Variants in ZNF646 observed in about 807,000 individuals in gnomAD.
ZNF646 encodes zinc finger protein 646.
ZNF646 carries 49 observed loss-of-function variants against 115.4 expected under a neutral mutation model. The ratio of observed to expected loss-of-function variants is 0.42; its 90% CI spans 0.34 to 0.54. The LOEUF (loss-of-function observed/expected upper bound fraction) is 0.54, where lower values mean the gene tolerates loss of function less well. Among genes scored for constraint, ZNF646 ranks in the 20% least tolerant of loss-of-function variants. The probability of loss-of-function intolerance (pLI) is 0.04; values close to 1 mark genes in which losing one functional copy is unlikely to be tolerated. For missense variants in ZNF646, 2,269 were observed against 2,457.9 expected, an observed-to-expected ratio of 0.92 and a Z score of 1.62; for synonymous variants, 933 against 939.0, an observed-to-expected ratio of 0.99 and a Z score of 0.12.
In ZNF646 at chr16:31,078,829, CCTG is replaced by C. The variant is rs771133903; in HGVS notation, c.2509_2511del (p.Leu837del). On this transcript the variant is annotated inframe_deletion, in exon 2 of 3. Transcript: ENST00000300850. ...GGCATTCTTTCCCCCATGCCACTGGCCTGCTGAGCCACAGGCCCTGCCACCCAC... is the reference window on the plus strand; with the variant it reads ...GGCATTCTTTCCCCCATGCCACTGGCCTGAGCCACAGGCCCTGCCACCCAC... The C allele has an allele frequency of 1.2e-6, 2 of 1,614,008 alleles. No individual in the cohort carries two copies. The highest frequency in any genetic ancestry group is 1.7e-5 in the Admixed American group (1 of 60,032).
intron 1 of ZNF646, among the ~76,000 whole-genome samples, chr16:31,075,712 C>T (rs1391491906): frequency 6.6e-6 from 1 of 152,150 alleles, no homozygotes; most frequent in African/African-American, 2.4e-5. Flanking sequence ...CTGAAGGAGG[C>T]CTCTAACCTC....
In ZNF646 at chr16:31,078,109, G is replaced by A. The variant is rs752180139; in HGVS notation, c.1785G>A (p.Leu595=). The change falls in exon 2 of 3, where the codon CTG becomes CTA. Residue 595 remains leucine (L), a synonymous_variant. Coordinates refer to ENST00000300850, the MANE Select transcript of ZNF646 (RefSeq NM_014699.4). ...EDAESLERHG[L]THGAGEKENS... Reference sequence around the variant, plus strand: ...CTGAGAGCCTTGAACGTCATGGCCTGACTCATGGGGCAGGGGAAAAGGAAA... The same window carrying A: ...CTGAGAGCCTTGAACGTCATGGCCTAACTCATGGGGCAGGGGAAAAGGAAA... 1.2e-6 allele frequency: 2 copies of A among 1,614,176 alleles called. No homozygotes were observed. The highest frequency in any genetic ancestry group is 2.2e-5 in the South Asian group (2 of 91,076).
intron 2 of ZNF646, 49 bp downstream of exon 2, chr16:31,081,750 G>T (rs1010113021): frequency 4.6e-6 from 7 of 1,507,110 alleles, no homozygotes; most frequent in Admixed American, 2.3e-5. Flanking sequence ...CAGTGGAGGG[G>T]GAAGTCCAGC....
chr16:31,081,629 C>T lies in ZNF646; in HGVS notation c.5305C>T (p.His1769Tyr), dbSNP rs377650628. 6.2e-7 allele frequency: 1 copy of T among 1,608,782 alleles called. No homozygotes were observed. ...TTTCACCTGCCCCCATTGTCCCCGC[C>T]ACTTCCGCCGCCGAATCAGCTTCGT... ...GPFTCPHCPR[H>Y]FRRRISFVQH... The change falls in exon 2 of 3, where the codon CAC (histidine) becomes TAC (tyrosine). Residue 1769 changes from histidine (H) to tyrosine (Y), a missense_variant. By Grantham distance (83) the His-to-Tyr change is moderately conservative. This residue lies in a region of ZNF646 where 1,062 missense variants were observed against 1,172.8 expected (regional missense o/e 0.91). Transcript: ENST00000300850.
Position 31,080,490 on chromosome 16 carries a change from CAG to C in ZNF646, c.4168_4169del (p.Glu1390LysfsTer17). 6.2e-7 allele frequency: 1 copy of C among 1,613,664 alleles called. No homozygotes were observed. The highest frequency in any genetic ancestry group is 8.5e-7 in the Non-Finnish European group (1 of 1,179,988). ...CGGCACCTGCGGGAGCATGAGGAGA[CAG>C]AAAGGGAGCCAGCCAATGGCCAGGG... On this transcript the variant is annotated frameshift_variant, in exon 2 of 3. Coordinates refer to ENST00000300850, the MANE Select transcript of ZNF646 (RefSeq NM_014699.4). LOFTEE classifies it high-confidence loss of function.
rs761528027 is a variant in ZNF646, at chr16:31,079,732, C to G, written c.3408C>G (p.Pro1136=). Residue 1136 remains proline, a synonymous_variant, in exon 2 of 3, where the codon CCC becomes CCG. Transcript: ENST00000300850. This position sits in a 1 kb window ranked among gnomAD's most constrained non-coding sequence, Gnocchi z 5.5. The part of the protein sequence containing the change: ...GPIPEGGSNK[P]QHMAEEGPGQ... ...TCCCAGAAGGAGGCAGCAACAAGCC[C>G]CAGCACATGGCAGAGGAGGGGCCGG... 1 of 1,613,568 alleles carries G rather than the reference C, an allele frequency of 6.2e-7. No individual in the cohort carries two copies. Among genetic ancestry groups the G allele is most frequent in the Non-Finnish European group, 8.5e-7 (1 of 1,179,970 alleles).
chr16:31,076,196 A>G (rs2057073123), intron 1 of ZNF646, 50 bp from the exon 2 acceptor site: 2 of 1,277,788 alleles, frequency 1.6e-6, no homozygotes, highest in Admixed American at 2.9e-5. Flanking sequence ...TAGAGCCAAG[A>G]GGCGAAGTTA....
chr16:31,083,327 T>C lies in ZNF646; in HGVS notation c.*235T>C. The C allele has an allele frequency of 2.0e-6, 2 of 979,054 alleles. No homozygotes were observed. The highest frequency in any genetic ancestry group is 2.9e-6 in the Non-Finnish European group (2 of 700,422). The allele number at this position is 979,054 out of a possible 1,614,324, so 60.6% of individuals were successfully genotyped here. A position where few individuals can be genotyped will look rare whatever the true frequency, so the allele number is the denominator to read the frequency against. On this transcript the variant is annotated 3_prime_UTR_variant, in exon 3 of 3. Transcript: ENST00000300850. ...CACCGTGCTCTTCTCAGCGCCACCC[T>C]CAGCAGCCAGATTGCAACACCAGGG... is the stretch of plus-strand genomic sequence containing the variant.
chr16:31,077,771 C>G lies in ZNF646; in HGVS notation c.1447C>G (p.His483Asp). The G allele has an allele frequency of 6.2e-7, 1 of 1,614,026 alleles. No individual in the cohort carries two copies. The highest frequency in any genetic ancestry group is 8.5e-7 in the Non-Finnish European group (1 of 1,180,038). ...AYRHRGSLVNHRHSHRTGEYQ... is the reference protein window; with the variant it reads ...AYRHRGSLVNDRHSHRTGEYQ... ...CCGCCACCGGGGGAGCCTGGTGAAC[C>G]ATCGCCACAGCCATCGGACTGGAGA... The change falls in exon 2 of 3, where the codon CAT becomes GAT. Residue 483 changes from histidine (H) to aspartate (D), a missense_variant. Physicochemically the swap from His to Asp is moderately conservative, Grantham distance 81. Coordinates refer to ENST00000300850, the MANE Select transcript of ZNF646 (RefSeq NM_014699.4).
Position 31,078,795 on chromosome 16 carries a change from C to T in ZNF646, c.2471C>T (p.Ser824Phe). The change falls in exon 2 of 3, where the codon TCT becomes TTT. Residue 824 changes from serine to phenylalanine, a missense_variant. This residue lies in a region of ZNF646 where 852 missense variants were observed against 900.2 expected (regional missense o/e 0.95). Transcript: ENST00000300850. ...CAGGCTGGGGCCGCTCACACATGCT[C>T]TGACTGTGGGCATTCTTTCCCCCAT... ...GWQAGAAHTC[S>F]DCGHSFPHAT... 6.2e-7 allele frequency: 1 copy of T among 1,613,924 alleles called. No individual in the cohort carries two copies. The highest frequency in any genetic ancestry group is 8.5e-7 in the Non-Finnish European group (1 of 1,179,990).
Position 31,078,427 on chromosome 16 carries a change from C to T in ZNF646, c.2103C>T (p.Asp701=). ...AGAGCTGGACCCGGGAGCTAGAAGA[C>T]AATGAAGGCCTGGAGTCTCCCCAAG... ...AAESWTRELE[D]NEGLESPQDP... The change falls in exon 2 of 3, where the codon GAC becomes GAT. Residue 701 remains aspartate (D), a synonymous_variant. Coordinates refer to ENST00000300850, the MANE Select transcript of ZNF646 (RefSeq NM_014699.4). 2.5e-6 allele frequency: 4 copies of T among 1,605,310 alleles called. No homozygotes were observed. The highest frequency in any genetic ancestry group is 3.4e-6 in the Non-Finnish European group (4 of 1,174,834).
Position 31,081,130 on chromosome 16 carries a change from C to G in ZNF646, c.4806C>G (p.Ser1602Arg). 1 of 1,608,140 alleles carries G rather than the reference C, an allele frequency of 6.2e-7. No homozygotes were observed. Among genetic ancestry groups the G allele is most frequent in the Non-Finnish European group, 8.5e-7 (1 of 1,176,178 alleles). ...KAFESHQELA[S>R]HLQAHARGHS... is the part of the protein sequence containing the mutation. ...TTGAGTCCCACCAGGAACTGGCCAG[C>G]CACCTGCAGGCTCATGCCCGGGGCC... The change falls in exon 2 of 3, where the codon AGC (serine) becomes AGG (arginine). Residue 1602 changes from serine (S) to arginine (R), a missense_variant. Coordinates refer to ENST00000300850, the MANE Select transcript of ZNF646 (RefSeq NM_014699.4).
Position 31,076,604 on chromosome 16 carries a change from A to G in ZNF646, c.280A>G (p.Met94Val), listed in dbSNP as rs751768611. The stretch of plus-strand genomic sequence containing the variant: ...CAATCCCATGGCTCTCAAGAGCCAT[A>G]TGAGGACACATGCTCCTGAGGGCCG... Reference protein sequence around the residue: ...FSNPMALKSHMRTHAPEGRRR... With the variant: ...FSNPMALKSHVRTHAPEGRRR... The change falls in exon 2 of 3, where the codon ATG becomes GTG. Residue 94 changes from methionine to valine, a missense_variant. Physicochemically the swap from Met to Val is conservative, Grantham distance 21. Transcript: ENST00000300850. The G allele has an allele frequency of 4.3e-6, 7 of 1,613,062 alleles. No individual in the cohort carries two copies. In the Admixed American group the frequency reaches 1.2e-4, roughly 27 times the overall value.
At position 31,079,057 on chromosome 16, in the gene ZNF646, G is replaced by A; in HGVS notation, c.2733G>A (p.Glu911=). The A allele has an allele frequency of 6.3e-7, 1 of 1,577,534 alleles. No individual in the cohort carries two copies. Among genetic ancestry groups the A allele is most frequent in the East Asian group, 2.3e-5 (1 of 44,394 alleles). The change falls in exon 2 of 3, where the codon GAG becomes GAA. Residue 911 remains glutamate (E), a synonymous_variant. Transcript: ENST00000300850. The surrounding 1 kb of genome is among the most constrained non-coding windows in gnomAD (Gnocchi z 5.5). ...CCCACAGCTCCTCTGGCATGACTGA[G>A]GGCTCAGAGGAGGAGGGGGAAGAGG... The part of the protein sequence containing the change: ...RQAHSSSGMT[E]GSEEEGEEEG...
In ZNF646 at chr16:31,081,087, C is replaced by T. The variant is rs567384039; in HGVS notation, c.4763C>T (p.Pro1588Leu). The T allele has an allele frequency of 1.9e-6, 3 of 1,613,764 alleles. No individual in the cohort carries two copies. The highest frequency in any genetic ancestry group is 2.7e-5 in the African/African-American group (2 of 75,056). Residue 1588 changes from proline to leucine, a missense_variant, in exon 2 of 3, where the codon CCT (proline) becomes CTT (leucine). Transcript: ENST00000300850. ...ATAGACGCCCAGACCTTTGCCTGTC[C>T]TGACTGTGGCAAAGCCTTTGAGTCC... ...NHIDAQTFAC[P>L]DCGKAFESHQ... is the part of the protein sequence containing the mutation.
rs1191686708 is a variant in ZNF646 at position 31,080,073 on chromosome 16, G to A, written c.3749G>A (p.Arg1250His). 14 of 1,612,640 alleles carry A rather than the reference G, an allele frequency of 8.7e-6. No homozygotes were observed. Among genetic ancestry groups the A allele is most frequent in the African/African-American group, 1.3e-5 (1 of 74,916 alleles). Residue 1250 changes from arginine (R) to histidine (H), a missense_variant, in exon 2 of 3, where the codon CGC becomes CAC. Arg to His is a conservative substitution (Grantham distance 29). Around this residue, in one of 5 missense-constraint regions of ZNF646, gnomAD observed 1,062 missense variants for 1,172.8 expected, o/e 0.91. Transcript: ENST00000300850. ...CTCATGTCCCTCAAGAACCACCGGC[G>A]CATCCATGCAGATCCCCGACGTTTC... ...SNLMSLKNHR[R>H]IHADPRRFRC...
At chr16:31,073,406 C>T (rs1161449607), upstream of ZNF646, 1 of 152,168 alleles carries the variant, frequency 6.6e-6, no homozygotes, top group Non-Finnish European at 1.5e-5. Context: ...GGGACCACAC[C>T]GCGCCGGGCC....
At position 31,079,787 on chromosome 16, in the gene ZNF646, G is replaced by T; in HGVS notation, c.3463G>T (p.Glu1155Ter). The T allele has an allele frequency of 1.2e-6, 2 of 1,613,694 alleles. No homozygotes were observed. Among genetic ancestry groups the T allele is most frequent in the Non-Finnish European group, 8.5e-7 (1 of 1,179,936 alleles). The stretch of plus-strand genomic sequence containing the variant: ...AGCAGAAGTCGAGAAGCTCCAGGAA[G>T]AACTTAAAGTGGAGCCCCTGGAGGA... ...GQAEVEKLQE[E>*]LKVEPLEEVA... Residue 1155 changes from glutamate to a stop codon, truncating the protein, a stop_gained, in exon 2 of 3, where the codon GAA becomes TAA. Transcript: ENST00000300850. LOFTEE classifies it high-confidence loss of function. This position sits in a 1 kb window ranked among gnomAD's most constrained non-coding sequence, Gnocchi z 5.5.
In ZNF646 at chr16:31,079,420, G is replaced by A. The variant is rs1200008819; in HGVS notation, c.3096G>A (p.Leu1032=). 8.7e-6 allele frequency: 14 copies of A among 1,614,028 alleles called. No individual in the cohort carries two copies. The highest frequency in any genetic ancestry group is 1.7e-5 in the Admixed American group (1 of 60,018). Residue 1032 remains leucine, a synonymous_variant, in exon 2 of 3, where the codon TTG becomes TTA. Coordinates refer to ENST00000300850, the MANE Select transcript of ZNF646 (RefSeq NM_014699.4). The surrounding 1 kb of genome is among the most constrained non-coding windows in gnomAD (Gnocchi z 5.5). The part of the protein sequence containing the change: ...AKSQEGAGTP[L]GDSLCIQGGE... ...CTCAAGAGGGAGCAGGCACCCCCTT[G>A]GGAGACAGCCTCTGCATCCAGGGTG...
Sources: gnomAD v4.1 joint callset for allele counts (sites outside exome capture counted in the v4.1 genomes callset) on GRCh38, gnomAD v4.1.1 for gene constraint, gnomAD v4.1.1 regional missense constraint, Gnocchi (gnomAD v3.1) non-coding constraint, MANE v1.5 for transcripts, NCBI Gene and HGNC (gene_info 2026-07-23, HGNC 2026-07-21) for gene names.